SORCS2: variants seen among roughly 807,000 people sequenced by gnomAD.
SORCS2 encodes the protein sortilin related VPS10 domain containing receptor 2.
Under a neutral mutation model 141.6 loss-of-function variants are expected in SORCS2, and 100 were observed. The ratio of observed to expected loss-of-function variants is 0.71; its 90% confidence interval spans 0.60 to 0.83. The LOEUF (loss-of-function observed/expected upper bound fraction) is 0.83, where lower values mean the gene tolerates loss of function less well. Among genes scored for constraint, SORCS2 ranks in the 40% least tolerant of loss-of-function variants. The probability of loss-of-function intolerance (pLI) is 0.00; values close to 1 mark genes in which losing one functional copy is unlikely to be tolerated. For missense variants in SORCS2, 1,646 were observed against 1,560.2 expected, an observed-to-expected ratio of 1.05 and a Z score of -0.93; for synonymous variants, 789 against 676.9, an observed-to-expected ratio of 1.17 and a Z score of -2.57.
chr4:7,522,319 GA>G (rs1220386618), intron 2 of SORCS2, among the ~76,000 whole-genome samples: 1 of 152,218 alleles, frequency 6.6e-6, no homozygotes, highest in Non-Finnish European at 1.5e-5. Context: ...TCATTTTTAA[GA>G]AGTGAATATG....
At chr4:7,483,057 G>C (rs971699819) in intron 2 of SORCS2, among the ~76,000 whole-genome samples, 2 of 152,046 alleles carry the variant, frequency 1.3e-5, no homozygotes, top group African/African-American at 4.8e-5. Flanking sequence ...GCGGTGGCTC[G>C]TGCCTGTAAT....
At chr4:7,336,195 C>A (rs551979202) in intron 1 of SORCS2, among the ~76,000 whole-genome samples, 7 of 152,296 alleles carry the variant, frequency 4.6e-5, no homozygotes, top group African/African-American at 1.4e-4. Context: ...GCGTCCTGGT[C>A]GATTGCTCGT....
At chr4:7,257,161 G>C (rs1320283765) in intron 1 of SORCS2, among the ~76,000 whole-genome samples, 3 of 152,150 alleles carry the variant, frequency 2.0e-5, no homozygotes, top group Non-Finnish European at 4.4e-5. Context: ...CCTGGAGTGG[G>C]CAGGTGGCCA....
At chr4:7,569,611 CAT>C (rs1360535553) in intron 3 of SORCS2, among the ~76,000 whole-genome samples, 2 of 152,210 alleles carry the variant, frequency 1.3e-5, no homozygotes, top group Non-Finnish European at 2.9e-5. Flanking sequence ...GTGCAGAGAA[CAT>C]GTGTGTGTGG....
At chr4:7,333,461 C>T (rs1410342881) in intron 1 of SORCS2, among the ~76,000 whole-genome samples, 1 of 152,170 alleles carries the variant, frequency 6.6e-6, no homozygotes. Context: ...TTTGGTGGGA[C>T]GTGCTCCCTA....
intron 3 of SORCS2, among the ~76,000 whole-genome samples, chr4:7,602,183 G>C (rs1451645149): frequency 6.6e-6 from 1 of 152,224 alleles, no homozygotes; most frequent in African/African-American, 2.4e-5. Context: ...GGGCTGCTGG[G>C]TACACCTCCC....
At chr4:7,234,690 C>CG (rs1712139898) in intron 1 of SORCS2, among the ~76,000 whole-genome samples, 1 of 152,224 alleles carries the variant, frequency 6.6e-6, no homozygotes, top group South Asian at 2.1e-4. Flanking sequence ...CAGCAGCTCA[C>CG]GTAGGCTTCT....
At chr4:7,397,608 G>A (rs947031304) in intron 2 of SORCS2, among the ~76,000 whole-genome samples, 1 of 152,088 alleles carries the variant, frequency 6.6e-6, no homozygotes, top group Non-Finnish European at 1.5e-5. Context: ...TGTGCTGGTG[G>A]GGTTGCTTTA....
chr4:7,738,660 C>T (rs1444461688), intron 26 of SORCS2, among the ~76,000 whole-genome samples: 3 of 152,186 alleles, frequency 2.0e-5, no homozygotes, highest in South Asian at 2.1e-4. Context: ...GATCCGGCTT[C>T]GAGCGTCACT....
intron 2 of SORCS2, among the ~76,000 whole-genome samples, chr4:7,450,989 T>C (rs1228805747): frequency 6.7e-6 from 1 of 149,510 alleles, no homozygotes; most frequent in Non-Finnish European, 1.5e-5. Context: ...AGTGACTGAG[T>C]GGGTGAATGA....
intron 1 of SORCS2, among the ~76,000 whole-genome samples, chr4:7,393,077 A>G (rs1007131388): frequency 1.3e-5 from 2 of 152,104 alleles, no homozygotes; most frequent in Admixed American, 6.5e-5. Flanking sequence ...AGGCAAGAGG[A>G]TGAGACGTGG....
intron 1 of SORCS2, among the ~76,000 whole-genome samples, chr4:7,251,991 C>T (rs905011): frequency 1.4e-4 from 22 of 152,342 alleles, no homozygotes; most frequent in African/African-American, 5.3e-4. Flanking sequence ...ACACACCCCT[C>T]TGGCTGAGCC....
At chr4:7,464,546 A>G (rs769712109) in intron 2 of SORCS2, among the ~76,000 whole-genome samples, 6 of 152,132 alleles carry the variant, frequency 3.9e-5, no homozygotes, top group Non-Finnish European at 8.8e-5. Context: ...TTTGCAGCAG[A>G]GAAGGGCTAT....
intron 2 of SORCS2, among the ~76,000 whole-genome samples, chr4:7,488,048 C>T (rs1475193364): frequency 1.3e-5 from 2 of 152,180 alleles, no homozygotes; most frequent in African/African-American, 4.8e-5. Flanking sequence ...TAGGTTTCAG[C>T]ATTTAAGGTA....
At chr4:7,209,496 G>A (rs901231189) in intron 1 of SORCS2, among the ~76,000 whole-genome samples, 5 of 152,110 alleles carry the variant, frequency 3.3e-5, no homozygotes, top group African/African-American at 1.2e-4. Flanking sequence ...AACGGTCCCT[G>A]CCGGGACCCC....
At chr4:7,667,668 C>G (rs537961566) in intron 8 of SORCS2, among the ~76,000 whole-genome samples, 1 of 152,190 alleles carries the variant, frequency 6.6e-6, no homozygotes, top group African/African-American at 2.4e-5. Context: ...GCTGTACTCA[C>G]CTCTGCATTC....
intron 3 of SORCS2, among the ~76,000 whole-genome samples, chr4:7,540,161 TCTCCCTGCCCCTCCCTGCCC>T (rs71175415): frequency 0.019 from 955 of 50,880 alleles, 32 homozygotes; most frequent in African/African-American, 0.075. Flanking sequence ...CGCCCCTGCC[TCTCCCTGCCCCTCCCTGCCC>T]CTCCCTGCCC....
At chr4:7,236,226 G>A (rs909783592) in intron 1 of SORCS2, among the ~76,000 whole-genome samples, 3 of 152,232 alleles carry the variant, frequency 2.0e-5, no homozygotes, top group Non-Finnish European at 4.4e-5. Flanking sequence ...GGAGCTTGGC[G>A]TTTTAGGTAG....
At chr4:7,280,820 A>C (rs919547372) in intron 1 of SORCS2, among the ~76,000 whole-genome samples, 10 of 152,234 alleles carry the variant, frequency 6.6e-5, no homozygotes, top group African/African-American at 2.4e-4. Context: ...TGAATGAATG[A>C]ATGCATGAAT....
Sources: gnomAD v4.1 joint callset for allele counts (sites outside exome capture counted in the v4.1 genomes callset) on GRCh38, gnomAD v4.1.1 for gene constraint, MANE v1.5 for transcripts, NCBI Gene and HGNC (gene_info 2026-07-23, HGNC 2026-07-21) for gene names.